Variants in DENND5B observed in about 807,000 individuals in gnomAD.
The protein encoded by DENND5B is DENN domain-containing protein 5B.
A neutral mutation model predicts 140.6 loss-of-function variants in DENND5B; 34 were observed. The ratio of observed to expected loss-of-function variants is 0.24; its 90% confidence interval spans 0.18 to 0.32. The LOEUF is 0.32. DENND5B is among the 10% of genes least tolerant of loss of function. DENND5B has a pLI of 1.00. For missense variants in DENND5B, 1,142 were observed against 1,560.2 expected (o/e 0.73, Z 4.52); for synonymous variants, 551 against 562.1 (o/e 0.98, Z 0.28).
chr12:31,580,055 C>T (rs1030271422), intron 1 of DENND5B, among the ~76,000 whole-genome samples: 1 of 151,850 alleles, frequency 6.6e-6, no homozygotes, highest in Non-Finnish European at 1.5e-5. Context: ...GATGTAGGTG[C>T]CATGAAGAAC....
intron 1 of DENND5B, among the ~76,000 whole-genome samples, chr12:31,589,220 T>C (rs951429241): frequency 6.6e-6 from 1 of 152,170 alleles, no homozygotes; most frequent in South Asian, 2.1e-4. Context: ...ATAACAATAT[T>C]CCTTCACCAA....
At chr12:31,562,121 A>G (rs946515770) in intron 1 of DENND5B, among the ~76,000 whole-genome samples, 1 of 152,236 alleles carries the variant, frequency 6.6e-6, no homozygotes, top group African/African-American at 2.4e-5. Flanking sequence ...CTATTATGCT[A>G]AACTGTTTCC....
At chr12:31,527,356 TATA>T (rs1948120389) in intron 1 of DENND5B, among the ~76,000 whole-genome samples, 1 of 151,814 alleles carries the variant, frequency 6.6e-6, no homozygotes, top group African/African-American at 2.4e-5. Context: ...ACAAAAGCAA[TATA>T]ATGAGTGAAG....
chr12:31,575,410 T>C (rs555281095), intron 1 of DENND5B, among the ~76,000 whole-genome samples: 7 of 152,296 alleles, frequency 4.6e-5, no homozygotes, highest in African/African-American at 9.6e-5. Flanking sequence ...TAAGAGTAGA[T>C]TGTGACTACC....
At chr12:31,544,126 T>G (rs991326325) in intron 1 of DENND5B, among the ~76,000 whole-genome samples, 7 of 152,194 alleles carry the variant, frequency 4.6e-5, no homozygotes, top group African/African-American at 1.7e-4. Context: ...ATTGTACCAC[T>G]GCACTCCAGC....
intron 1 of DENND5B, among the ~76,000 whole-genome samples, chr12:31,503,177 A>G (rs992348510): frequency 1.3e-5 from 2 of 152,192 alleles, no homozygotes; most frequent in Non-Finnish European, 2.9e-5. Flanking sequence ...GTTTACAGGG[A>G]TAACAGCTAC....
At chr12:31,448,469 C>A (rs949207241) in intron 5 of DENND5B, among the ~76,000 whole-genome samples, 5 of 152,132 alleles carry the variant, frequency 3.3e-5, no homozygotes, top group African/African-American at 1.2e-4. Flanking sequence ...CTATTCCTAG[C>A]CTATGAAATA....
At chr12:31,514,747 A>G (rs1459180477) in intron 1 of DENND5B, among the ~76,000 whole-genome samples, 1 of 151,860 alleles carries the variant, frequency 6.6e-6, no homozygotes, top group Non-Finnish European at 1.5e-5. Flanking sequence ...AATCTGATTC[A>G]GGGAGGCAGA....
chr12:31,554,417 T>C (rs921726357), intron 1 of DENND5B, among the ~76,000 whole-genome samples: 1 of 152,220 alleles, frequency 6.6e-6, no homozygotes, highest in Non-Finnish European at 1.5e-5. Flanking sequence ...CTTGTAGAAT[T>C]TCTGCCAAGA....
At chr12:31,447,414 T>C (rs1303462553) in intron 6 of DENND5B, 124 bp downstream of exon 6, 15 of 808,462 alleles carry the variant, frequency 1.9e-5, no homozygotes, top group African/African-American at 5.2e-5. Flanking sequence ...TTTCGTGATA[T>C]AGTACCAGGA....
At chr12:31,433,508 T>G (rs1242794561) in intron 7 of DENND5B, among the ~76,000 whole-genome samples, 1 of 152,214 alleles carries the variant, frequency 6.6e-6, no homozygotes, top group Non-Finnish European at 1.5e-5. Flanking sequence ...AAAGGCACAG[T>G]ATCAATACAC....
At chr12:31,398,868 TC>T (rs1482810661) in intron 16 of DENND5B, among the ~76,000 whole-genome samples, 2 of 152,072 alleles carry the variant, frequency 1.3e-5, no homozygotes, top group African/African-American at 4.8e-5. Flanking sequence ...ATGCCTGTAA[TC>T]CCAGCACTTT....
At chr12:31,455,723 T>G (rs1011686788) in intron 4 of DENND5B, among the ~76,000 whole-genome samples, 2 of 152,186 alleles carry the variant, frequency 1.3e-5, no homozygotes, top group African/African-American at 4.8e-5. Context: ...TACTTCCTAT[T>G]AAAAACAACA....
At chr12:31,501,773 C>CGA in intron 1 of DENND5B, among the ~76,000 whole-genome samples, 1 of 119,134 alleles carries the variant, frequency 8.4e-6, no homozygotes, top group African/African-American at 3.2e-5. Context: ...AACTCCATCT[C>CGA]AAAAAAAAAA....
intron 1 of DENND5B, among the ~76,000 whole-genome samples, chr12:31,538,025 A>G (rs1436204508): frequency 6.6e-6 from 1 of 152,194 alleles, no homozygotes; most frequent in African/African-American, 2.4e-5. Context: ...GTTACAGCTA[A>G]AAAGAGAGAC....
intron 13 of DENND5B, among the ~76,000 whole-genome samples, chr12:31,412,453 A>G (rs1482096269): frequency 3.3e-5 from 5 of 152,184 alleles, no homozygotes; most frequent in South Asian, 2.1e-4. Context: ...GTTGCACCTC[A>G]TATCATCAGT....
At chr12:31,541,142 G>A in intron 1 of DENND5B, 1 of 326,734 alleles carries the variant, frequency 3.1e-6, no homozygotes, top group Non-Finnish European at 6.1e-6. Flanking sequence ...CAGAACACTG[G>A]AGTGGGCAAG....
chr12:31,536,986 T>C (rs1466916669), intron 1 of DENND5B, among the ~76,000 whole-genome samples: 1 of 152,200 alleles, frequency 6.6e-6, no homozygotes, highest in East Asian at 1.9e-4. Context: ...GGCTAAAATA[T>C]ACTTCAAACA....
rs977599017 is a variant in DENND5B at position 31,386,472 on chromosome 12, C to T, written c.*1131G>A. The stretch of plus-strand genomic sequence containing the variant: ...GGTCAGTTGTTTTACATTATTACTC[C>T]CCTTCCTACAAAGGAACGTAAAGCT... On this transcript the variant is annotated 3_prime_UTR_variant, in exon 21 of 21. Transcript: ENST00000389082. 1.4e-4 allele frequency: 22 copies of T among 152,358 alleles called. No individual in the cohort carries two copies. The highest frequency in any genetic ancestry group is 4.6e-4 in the African/African-American group (19 of 41,554). The allele number at this position is 152,358 out of a possible 1,614,324, so 9.4% of individuals were successfully genotyped here.
Sources: allele counts gnomAD v4.1 joint callset (sites outside exome capture counted in the v4.1 genomes callset), GRCh38; gene constraint gnomAD v4.1.1; transcripts MANE v1.5; gene names NCBI Gene and HGNC (gene_info 2026-07-23, HGNC 2026-07-21).